The following RBM5 variants were observed in gnomAD, a reference collection of about 807,000 sequenced individuals.
RBM5 encodes the protein RNA-binding protein 5.
A neutral mutation model predicts 124.6 loss-of-function variants in RBM5; 15 were observed. The observed-to-expected ratio is 0.12, with a 90% CI of 0.08 to 0.19. RBM5 has a LOEUF of 0.19. Ranked by LOEUF, RBM5 falls within the 10% of genes least tolerant of loss-of-function variation. RBM5 has a pLI of 1.00. For missense variants in RBM5, 580 were observed against 1,026.5 expected (o/e 0.57, Z 5.94); for synonymous variants, 337 against 361.2 (o/e 0.93, Z 0.76).
intron 4 of RBM5, 22 bp from the exon 5 acceptor site, chr3:50,099,960 A>C (rs1469638591): frequency 1.2e-6 from 2 of 1,607,716 alleles, no homozygotes; most frequent in Non-Finnish European, 1.7e-6. Context: ...TTTAACTGTA[A>C]ATAATGTAAA....
At position 50,117,051 on chromosome 3, in the gene RBM5, G is replaced by C; in HGVS notation, c.2095-23G>C. On this transcript the variant is annotated intron_variant, in intron 22 of 24. Transcript: ENST00000347869. This position sits in a 1 kb window ranked among gnomAD's most constrained non-coding sequence, Gnocchi z 4.2. ...AGGTTGAAGTCTGTGAACATTTCCAGCAGTGTTTTTTCTCCCATGTAGATG... is the reference window on the plus strand; with the variant it reads ...AGGTTGAAGTCTGTGAACATTTCCACCAGTGTTTTTTCTCCCATGTAGATG... 1 of 1,598,304 alleles carries C rather than the reference G, an allele frequency of 6.3e-7. No homozygotes were observed. Among genetic ancestry groups the C allele is most frequent in the Middle Eastern group, 1.7e-4 (1 of 6,046 alleles).
rs1317102128 is a variant in RBM5, at chr3:50,117,525, A to G, written c.2322+146A>G. On this transcript the variant is annotated intron_variant, in intron 24 of 24. Transcript: ENST00000347869. This position sits in a 1 kb window ranked among gnomAD's most constrained non-coding sequence, Gnocchi z 4.2. ...ATTACAGGCATGAGCTCACACCTGT[A>G]ATCCCAGCACTTTGGGAGGCCGAGG... 7 of 1,174,068 alleles carry G rather than the reference A, an allele frequency of 6.0e-6. No homozygotes were observed. Among genetic ancestry groups the G allele is most frequent in the Non-Finnish European group, 8.3e-6 (7 of 847,116 alleles). 72.7% of individuals were successfully genotyped at this position (1,174,068 alleles called of 1,614,324 possible). A position where few individuals can be genotyped will look rare whatever the true frequency, so the allele number is the denominator to read the frequency against.
At chr3:50,093,309 A>C (rs534091421) in intron 3 of RBM5, among the ~76,000 whole-genome samples, 1 of 151,704 alleles carries the variant, frequency 6.6e-6, no homozygotes, top group Non-Finnish European at 1.5e-5. Context: ...CGTGGTGGCA[A>C]GTGCCTATAG....
chr3:50,100,964 A>G lies in RBM5; in HGVS notation c.483+359A>G. The stretch of plus-strand genomic sequence containing the variant: ...CTCTCCATTTGACAGTGAAGAGAAC[A>G]TAGTGAAAGTCTGTGGCGGCATTTT... On this transcript the variant is annotated intron_variant, in intron 6 of 24. Coordinates refer to ENST00000347869, the MANE Select transcript of RBM5 (RefSeq NM_005778.4). The surrounding 1 kb of genome is among the most constrained non-coding windows in gnomAD (Gnocchi z 5.1). The G allele has an allele frequency of 1.1e-5, 2 of 178,158 alleles. No individual in the cohort carries two copies. The highest frequency in any genetic ancestry group is 2.3e-5 in the Non-Finnish European group (2 of 85,582). The allele number at this position is 178,158 out of a possible 1,614,324, so 11.0% of individuals were successfully genotyped here.
At chr3:50,112,414 T>TAA (rs58011975) in intron 17 of RBM5, among the ~76,000 whole-genome samples, 1,302 of 88,086 alleles carry the variant, frequency 0.015, 32 homozygotes, top group African/African-American at 0.033. Context: ...AGACTCTGTC[T>TAA]AAAAAAAAAA....
At chr3:50,097,219 C>T (rs1226545062) in intron 4 of RBM5, among the ~76,000 whole-genome samples, 1 of 151,988 alleles carries the variant, frequency 6.6e-6, no homozygotes, top group Non-Finnish European at 1.5e-5. Context: ...CACGGTGAAA[C>T]CCTGTCTCTA....
rs568451169 is a variant in RBM5, at chr3:50,109,255, A to G, written c.1193-348A>G. ...CTCCCGGCTAATTTTTTGTATTTTTAGTAGAGACGGGGTTTCACCGTGTTA... is the reference window on the plus strand; with the variant it reads ...CTCCCGGCTAATTTTTTGTATTTTTGGTAGAGACGGGGTTTCACCGTGTTA... On this transcript the variant is annotated intron_variant, in intron 14 of 24. Transcript: ENST00000347869. 1.7e-4 allele frequency among the ~76,000 whole-genome samples: 26 copies of G among 152,198 alleles called. No individual in the cohort carries two copies. In the South Asian group the frequency reaches 2.7e-3, roughly 16 times the overall value.
rs139273247 is a variant in RBM5 at position 50,116,454 on chromosome 3, G to A, written c.2094+474G>A. 1.3e-3 allele frequency: 233 copies of A among 175,588 alleles called. 1 individual carries two copies. The highest frequency in any genetic ancestry group is 2.3e-3 in the Non-Finnish European group (185 of 81,348). 10.9% of individuals were successfully genotyped at this position (175,588 alleles called of 1,614,324 possible). A position where few individuals can be genotyped will look rare whatever the true frequency, so the allele number is the denominator to read the frequency against. On this transcript the variant is annotated intron_variant, in intron 22 of 24. Transcript: ENST00000347869. Reference sequence around the variant, plus strand: ...CCTGTGACACAATAATGGGCAAGCAGTTAGTGCTGGTGGTTGGGGCAGGTT... The same window carrying A: ...CCTGTGACACAATAATGGGCAAGCAATTAGTGCTGGTGGTTGGGGCAGGTT...
At chr3:50,095,705 T>C (rs1314926181) in intron 4 of RBM5, among the ~76,000 whole-genome samples, 2 of 151,980 alleles carry the variant, frequency 1.3e-5, no homozygotes, top group Admixed American at 6.6e-5. Context: ...TCATGACTTT[T>C]GTGTAGCACC....
rs2090908971 is a variant in RBM5 at position 50,100,071 on chromosome 3, C to G, written c.409+20C>G. 1 of 1,609,134 alleles carries G rather than the reference C, an allele frequency of 6.2e-7. No homozygotes were observed. The highest frequency in any genetic ancestry group is 8.5e-7 in the Non-Finnish European group (1 of 1,176,846). On this transcript the variant is annotated intron_variant, in intron 5 of 24. Coordinates refer to ENST00000347869, the MANE Select transcript of RBM5 (RefSeq NM_005778.4). This position sits in a 1 kb window ranked among gnomAD's most constrained non-coding sequence, Gnocchi z 5.1. ...AAACAGGTGAGAGCTTGCTTAGTTC[C>G]TGATATTATTGTTCTCTTCCCCATT...
chr3:50,105,093 G>A lies in RBM5; in HGVS notation c.645G>A (p.Val215=), dbSNP rs778868021. 1.3e-6 allele frequency: 2 copies of A among 1,591,586 alleles called. No individual in the cohort carries two copies. Among genetic ancestry groups the A allele is most frequent in the Non-Finnish European group, 1.7e-6 (2 of 1,160,030 alleles). The part of the protein sequence containing the change: ...GADKFDSEQE[V]PPGTTESVQS... ...CCCTTCTAGACTCTGAACAGGAAGT[G>A]CCTCCTGGAACCACAGAGTCGGTTC... Residue 215 remains valine (V), a synonymous_variant, in exon 9 of 25, where the codon GTG becomes GTA. Coordinates refer to ENST00000347869, the MANE Select transcript of RBM5 (RefSeq NM_005778.4).
chr3:50,114,304 C>T, intron 20 of RBM5, 53 bp downstream of exon 20: 2 of 1,527,036 alleles, frequency 1.3e-6, no homozygotes, highest in Non-Finnish European at 1.8e-6. Context: ...TTGTGTCTCA[C>T]TTTAAGGCTC....
In RBM5 at chr3:50,105,532, G is replaced by A. The variant is rs554617654; in HGVS notation, c.695-17G>A. The A allele has an allele frequency of 1.9e-6, 3 of 1,608,574 alleles. No individual in the cohort carries two copies. In the African/African-American group the frequency reaches 4.0e-5, roughly 21 times the overall value. Reference sequence around the variant, plus strand: ...GTGGGAATGCATGTGTATGTCATTTGTCTCATTTACCCCTAGCGATCATTC... The same window carrying A: ...GTGGGAATGCATGTGTATGTCATTTATCTCATTTACCCCTAGCGATCATTC... On this transcript the variant is annotated splice_polypyrimidine_tract_variant and intron_variant, in intron 9 of 24. Transcript: ENST00000347869.
chr3:50,106,665 C>T lies in RBM5; in HGVS notation c.856-102C>T. The T allele has an allele frequency of 7.6e-6, 6 of 791,878 alleles. No individual in the cohort carries two copies. The South Asian group carries it at 8.2e-5, about 11-fold the overall frequency. 49.1% of individuals were successfully genotyped at this position (791,878 alleles called of 1,614,324 possible). On this transcript the variant is annotated intron_variant, in intron 10 of 24. Transcript: ENST00000347869. ...TGCAAACACAATAAGGAATTAATTGCCTTTTATTTTTTAATAGAAAACTAC... is the reference window on the plus strand; with the variant it reads ...TGCAAACACAATAAGGAATTAATTGTCTTTTATTTTTTAATAGAAAACTAC...
chr3:50,113,336 CAT>C lies in RBM5; in HGVS notation c.1456-45_1456-44del. The C allele has an allele frequency of 3.9e-6, 6 of 1,553,066 alleles. No homozygotes were observed. The South Asian group carries it at 4.6e-5, about 12-fold the overall frequency. On this transcript the variant is annotated intron_variant, in intron 17 of 24. Transcript: ENST00000347869. ...TTTGACAAAATATGTAATCGACTGA[CAT>C]AGCAGAAAGTCTGCATTAATTGTTT...
In RBM5 at chr3:50,115,500, G is replaced by A; in HGVS notation, c.1912G>A (p.Glu638Lys). The A allele has an allele frequency of 6.2e-7, 1 of 1,614,076 alleles. No homozygotes were observed. The highest frequency in any genetic ancestry group is 8.5e-7 in the Non-Finnish European group (1 of 1,180,000). ...GCTGGTGGAGAGACTTGAGAGTGAG[G>A]AAGAGAAGCTAGCTGACTGGAAGAA... ...EELVERLESE[E>K]EKLADWKKMA... The change falls in exon 21 of 25, where the codon GAA (glutamate) becomes AAA (lysine). Residue 638 changes from glutamate (E) to lysine (K), a missense_variant. Around this residue, in one of 6 missense-constraint regions of RBM5, gnomAD observed 234 missense variants for 435.1 expected, o/e 0.54. Coordinates refer to ENST00000347869, the MANE Select transcript of RBM5 (RefSeq NM_005778.4).
chr3:50,117,187 A>G lies in RBM5; in HGVS notation c.2192+16A>G. The G allele has an allele frequency of 1.9e-6, 3 of 1,614,124 alleles. No individual in the cohort carries two copies. Among genetic ancestry groups the G allele is most frequent in the South Asian group, 1.1e-5 (1 of 91,086 alleles). ...CCGGCACTGTGTATGTGATGTGCACATTTTCCAGTTCGTAAGCTGGGGCCC... is the reference window on the plus strand; with the variant it reads ...CCGGCACTGTGTATGTGATGTGCACGTTTTCCAGTTCGTAAGCTGGGGCCC... On this transcript the variant is annotated intron_variant, in intron 23 of 24. Coordinates refer to ENST00000347869, the MANE Select transcript of RBM5 (RefSeq NM_005778.4). The surrounding 1 kb of genome is among the most constrained non-coding windows in gnomAD (Gnocchi z 4.2).
At position 50,104,401 on chromosome 3, in the gene RBM5, G is replaced by A. The variant is rs972271312; in HGVS notation, c.628+93G>A. 5 of 1,224,882 alleles carry A rather than the reference G, an allele frequency of 4.1e-6. No homozygotes were observed. The South Asian group carries it at 6.2e-5, about 15-fold the overall frequency. The allele number at this position is 1,224,882 out of a possible 1,614,324, so 75.9% of individuals were successfully genotyped here. A position where few individuals can be genotyped will look rare whatever the true frequency, so the allele number is the denominator to read the frequency against. On this transcript the variant is annotated intron_variant, in intron 8 of 24. Transcript: ENST00000347869. ...CACTGTAATCCCACCACTTTGCAAGGCCAAGGTGGGAAGATCACTTGAGGA... is the reference window on the plus strand; with the variant it reads ...CACTGTAATCCCACCACTTTGCAAGACCAAGGTGGGAAGATCACTTGAGGA...
At chr3:50,104,457 A>G in intron 8 of RBM5, 149 bp downstream of exon 8, 1 of 721,142 alleles carries the variant, frequency 1.4e-6, no homozygotes, top group African/African-American at 1.8e-5. Context: ...GGCAAGAGAT[A>G]GCAAGACCCT....
Sources: allele counts gnomAD v4.1 joint callset (sites outside exome capture counted in the v4.1 genomes callset), GRCh38; gene constraint gnomAD v4.1.1; regional missense constraint gnomAD v4.1.1; non-coding constraint Gnocchi (gnomAD v3.1); transcripts MANE v1.5; gene names NCBI Gene and HGNC (gene_info 2026-07-23, HGNC 2026-07-21).